PIWIL1: variants seen among roughly 807,000 people sequenced by gnomAD.
PIWIL1 encodes the protein piwi like RNA-mediated gene silencing 1, also known as piwi-like protein 1.
Under a neutral mutation model 114.4 loss-of-function variants are expected in PIWIL1, and 73 were observed. The observed-to-expected ratio is 0.64, with a 90% confidence interval of 0.53 to 0.78. The LOEUF (loss-of-function observed/expected upper bound fraction) is 0.78, where lower values mean the gene tolerates loss of function less well. Among genes scored for constraint, PIWIL1 ranks in the 30% least tolerant of loss-of-function variants. The pLI is 0.00. For synonymous variants in PIWIL1, 375 were observed against 369.0 expected, an observed-to-expected ratio of 1.02 and a Z score of -0.19; for missense variants, 723 against 1,063.1, an observed-to-expected ratio of 0.68 and a Z score of 4.45.
At chr12:130,414,011 T>G in the PIWIL1 span, 2 of 1,152,672 alleles carry the variant, frequency 1.7e-6, no homozygotes, top group Non-Finnish European at 2.5e-6. Flanking sequence ...GCCTCGCCCA[T>G]GGCCTGCAGG....
chr12:130,422,477 G>C, the PIWIL1 span: 1 of 1,612,364 alleles, frequency 6.2e-7, no homozygotes. This position sits in a 1 kb window ranked among gnomAD's most constrained non-coding sequence, Gnocchi z 5.2. Context: ...GTCACGGGCC[G>C]GGACCTCTGA....
the PIWIL1 span, chr12:130,397,769 A>G: frequency 2.8e-6 from 1 of 357,152 alleles, no homozygotes; most frequent in Non-Finnish European, 5.0e-6. Context: ...CTCTGTCTCG[A>G]GGGAGTGCGG....
the PIWIL1 span, chr12:130,414,038 G>A: frequency 2.9e-6 from 4 of 1,399,212 alleles, no homozygotes; most frequent in Admixed American, 1.7e-5. Flanking sequence ...CCATCTCTAA[G>A]TCGATACCCT....
chr12:130,365,278 TA>T (rs1565954996), intron 18 of PIWIL1, among the ~76,000 whole-genome samples: 1 of 152,192 alleles, frequency 6.6e-6, no homozygotes, highest in Non-Finnish European at 1.5e-5. Context: ...CAATATGTCT[TA>T]AAATCAGAGT....
At chr12:130,419,070 G>A in the PIWIL1 span, among the ~76,000 whole-genome samples, 2 of 152,210 alleles carry the variant, frequency 1.3e-5, no homozygotes, top group Non-Finnish European at 2.9e-5. This position sits in a 1 kb window ranked among gnomAD's most constrained non-coding sequence, Gnocchi z 4.3. Flanking sequence ...CTTCCAGAGA[G>A]GATGCACTGG....
At chr12:130,389,830 A>G in the PIWIL1 span, among the ~76,000 whole-genome samples, 1 of 152,164 alleles carries the variant, frequency 6.6e-6, no homozygotes, top group Non-Finnish European at 1.5e-5. Context: ...TCTCGTATAA[A>G]GTTATAAATT....
intron 14 of PIWIL1, 32 bp downstream of exon 14, chr12:130,357,585 C>G (rs199951275): frequency 1.4e-6 from 2 of 1,457,010 alleles, no homozygotes; most frequent in African/African-American, 1.4e-5. Flanking sequence ...AGGCAGTTTT[C>G]GGTGAAAGAG....
the PIWIL1 span, among the ~76,000 whole-genome samples, chr12:130,419,372 G>A: frequency 5.3e-5 from 8 of 152,168 alleles, no homozygotes; most frequent in African/African-American, 9.7e-5. This position sits in a 1 kb window ranked among gnomAD's most constrained non-coding sequence, Gnocchi z 4.3. Context: ...GGACGCCTGG[G>A]TGGGCTCCCA....
chr12:130,391,309 G>T, the PIWIL1 span, among the ~76,000 whole-genome samples: 1 of 152,194 alleles, frequency 6.6e-6, no homozygotes, highest in African/African-American at 2.4e-5. Context: ...GGAAATTCTC[G>T]CTGGGGCCGT....
chr12:130,377,710 G>C, the PIWIL1 span, among the ~76,000 whole-genome samples: 1 of 152,238 alleles, frequency 6.6e-6, no homozygotes, highest in African/African-American at 2.4e-5. Flanking sequence ...GTGTGATCTG[G>C]AGGCACGAAA....
chr12:130,392,376 A>G, the PIWIL1 span, among the ~76,000 whole-genome samples: 1,494 of 17,302 alleles, frequency 0.086, 13 homozygotes, highest in African/African-American at 0.12. Context: ...CCGTCATCAC[A>G]TGTGTCCGTC....
the PIWIL1 span, chr12:130,422,473 G>A: frequency 6.2e-7 from 1 of 1,612,350 alleles, no homozygotes; most frequent in Non-Finnish European, 8.5e-7. The surrounding 1 kb of genome is among the most constrained non-coding windows in gnomAD (Gnocchi z 5.2). Flanking sequence ...GACTGTCACG[G>A]GCCGGGACCT....
chr12:130,339,020 C>T (rs926988192), intron 1 of PIWIL1, among the ~76,000 whole-genome samples: 1 of 152,082 alleles, frequency 6.6e-6, no homozygotes, highest in South Asian at 2.1e-4. Flanking sequence ...GCCTTCGGGA[C>T]CTCCCGCACT....
At chr12:130,408,273 C>T in the PIWIL1 span, among the ~76,000 whole-genome samples, 2 of 152,194 alleles carry the variant, frequency 1.3e-5, no homozygotes, top group African/African-American at 4.8e-5. Flanking sequence ...GGTGGCGCTA[C>T]AAAATCAAGT....
the PIWIL1 span, among the ~76,000 whole-genome samples, chr12:130,387,595 CCATT>C: frequency 3.3e-5 from 4 of 123,022 alleles, no homozygotes; most frequent in African/African-American, 1.3e-4. Context: ...CTTCCTGTCT[CCATT>C]CACCCATGCA....
intron 9 of PIWIL1, 104 bp from the exon 10 acceptor site, chr12:130,354,433 T>C: frequency 7.1e-7 from 1 of 1,402,984 alleles, no homozygotes; most frequent in South Asian, 1.2e-5. Context: ...GCCTTGCTAT[T>C]GGCATCAGCT....
chr12:130,402,971 T>A, the PIWIL1 span, among the ~76,000 whole-genome samples: 1 of 152,132 alleles, frequency 6.6e-6, no homozygotes, highest in Non-Finnish European at 1.5e-5. Context: ...ATGTAAATTA[T>A]GAAATAGCAA....
chr12:130,362,578 C>T (rs982602731), intron 16 of PIWIL1, among the ~76,000 whole-genome samples, 188 bp from the exon 17 acceptor site: 4 of 152,284 alleles, frequency 2.6e-5, no homozygotes, highest in East Asian at 1.9e-4. Context: ...GATGCTGATA[C>T]GGGATCTCTT....
the PIWIL1 span, among the ~76,000 whole-genome samples, chr12:130,411,182 G>A: frequency 6.6e-6 from 1 of 152,128 alleles, no homozygotes; most frequent in Non-Finnish European, 1.5e-5. Flanking sequence ...ACTGATTTTT[G>A]TATATTGACC....
Sources: allele counts gnomAD v4.1 joint callset (sites outside exome capture counted in the v4.1 genomes callset), GRCh38; gene constraint gnomAD v4.1.1; non-coding constraint Gnocchi (gnomAD v3.1); transcripts MANE v1.5; gene names NCBI Gene and HGNC (gene_info 2026-07-23, HGNC 2026-07-21).